Variants in ABCF1 observed in about 807,000 individuals in gnomAD.
ABCF1 encodes ATP binding cassette subfamily F member 1, also known as ATP-binding cassette sub-family F member 1.
Under a neutral mutation model 126.3 loss-of-function variants are expected in ABCF1, and 73 were observed. The ratio of observed to expected loss-of-function variants is 0.58; its 90% CI spans 0.48 to 0.70. The LOEUF is 0.70. ABCF1 is among the 30% of genes least tolerant of loss of function. The pLI, the probability that ABCF1 is intolerant of heterozygous loss-of-function variation, is 0.00. For missense variants in ABCF1, 786 were observed against 1,057.5 expected (o/e 0.74, Z 3.56); for synonymous variants, 345 against 396.4 (o/e 0.87, Z 1.54).
chr6:30,587,846 C>CA (rs756565396), intron 20 of ABCF1, among the ~76,000 whole-genome samples: 3,945 of 74,302 alleles, frequency 0.053, 157 homozygotes, highest in African/African-American at 0.14. Flanking sequence ...GAGGCTCTGT[C>CA]AAAAAAAAAA....
Position 30,571,516 on chromosome 6 carries a change from C to G in ABCF1, c.29C>G (p.Pro10Arg), listed in dbSNP as rs1018741162. 4 of 1,611,354 alleles carry G rather than the reference C, an allele frequency of 2.5e-6. No individual in the cohort carries two copies. The highest frequency in any genetic ancestry group is 2.5e-6 in the Non-Finnish European group (3 of 1,179,630). The change falls in exon 1 of 25, where the codon CCG becomes CGG. Residue 10 changes from proline (P) to arginine (R), a missense_variant. Pro to Arg is a moderately radical substitution (Grantham distance 103). Transcript: ENST00000326195. ...CCGAAGGCGCCCAAGCAGCAGCCGC[C>G]GGAGCCCGAGTGGATCGGGGACGGA... MPKAPKQQP[P>R]EPEWIGDGES...
Position 30,585,621 on chromosome 6 carries a change from T to C in ABCF1, c.1539T>C (p.Asp513=). 6.2e-7 allele frequency: 1 copy of C among 1,613,034 alleles called. No homozygotes were observed. The highest frequency in any genetic ancestry group is 1.1e-5 in the South Asian group (1 of 91,078). ...CCCATGACCAGGGCTTCTTGGATGA[T>C]GTCTGCACTGATATCATCCACCTCG... The part of the protein sequence containing the change: ...IVSHDQGFLD[D]VCTDIIHLDA... Residue 513 remains aspartate (D), a synonymous_variant, in exon 16 of 25, where the codon GAT becomes GAC. Transcript: ENST00000326195.
rs748881746 is a variant in ABCF1 at position 30,585,575 on chromosome 6, G to A, written c.1493G>A (p.Arg498Gln). 8 of 1,612,792 alleles carry A rather than the reference G, an allele frequency of 5.0e-6. No individual in the cohort carries two copies. The highest frequency in any genetic ancestry group is 2.5e-6 in the Non-Finnish European group (3 of 1,180,018). Residue 498 changes from arginine to glutamine, a missense_variant, in exon 16 of 25, where the codon CGG becomes CAG. Physicochemically the swap from Arg to Gln is conservative, Grantham distance 43 (BLOSUM62 1). Transcript: ENST00000326195. The part of the protein sequence containing the change: ...IWLNNYLQGW[R>Q]KTLLIVSHDQ... ...AAACCCAGCTACCTCCAGGGCTGGC[G>A]GAAGACCTTGCTGATCGTCTCCCAT...
At position 30,582,412 on chromosome 6, in the gene ABCF1, G is replaced by T; in HGVS notation, c.697G>T (p.Glu233Ter). Reference protein sequence around the residue: ...KAEQGSEEEGEGEEEEEEGGE... With the variant: ...KAEQGSEEEG ...CTCACAGGGTTCAGAGGAAGAAGGA[G>T]AAGGGGAAGAAGAGGAGGAGGAAGG... Residue 233 changes from glutamate (E) to a stop codon, truncating the protein, a stop_gained, in exon 9 of 25, where the codon GAA (glutamate) becomes TAA (stop). Transcript: ENST00000326195. LOFTEE classifies it high-confidence loss of function. 1 of 1,607,054 alleles carries T rather than the reference G, an allele frequency of 6.2e-7. No individual in the cohort carries two copies. Among genetic ancestry groups the T allele is most frequent in the Non-Finnish European group, 8.5e-7 (1 of 1,174,966 alleles).
Position 30,584,705 on chromosome 6 carries a change from C to T in ABCF1, c.1391+139C>T. 1.6e-6 allele frequency: 2 copies of T among 1,222,010 alleles called. No individual in the cohort carries two copies. Among genetic ancestry groups the T allele is most frequent in the South Asian group, 3.1e-5 (2 of 64,812 alleles). 75.7% of individuals were successfully genotyped at this position (1,222,010 alleles called of 1,614,324 possible). On this transcript the variant is annotated intron_variant, in intron 14 of 24. Coordinates refer to ENST00000326195, the MANE Select transcript of ABCF1 (RefSeq NM_001025091.2). The surrounding 1 kb of genome is among the most constrained non-coding windows in gnomAD (Gnocchi z 4.6). ...CTCCTTACTATCTGTGTTGTGAGAA[C>T]TTAGGGTCTTTCTCTATTTATCTCC...
chr6:30,574,199 C>T lies in ABCF1; in HGVS notation c.73+2639C>T, dbSNP rs536946471. On this transcript the variant is annotated intron_variant, in intron 1 of 24. Coordinates refer to ENST00000326195, the MANE Select transcript of ABCF1 (RefSeq NM_001025091.2). This position sits in a 1 kb window ranked among gnomAD's most constrained non-coding sequence, Gnocchi z 4.3. The stretch of plus-strand genomic sequence containing the variant: ...CACTCCAGGCTGGAGTGCAGTGGCG[C>T]GATCTCAGCTCACTGCAGCCTCAAT... Among the ~76,000 whole-genome samples the T allele has an allele frequency of 6.2e-4, 94 of 151,642 alleles. No homozygotes were observed. Among genetic ancestry groups the T allele is most frequent in the Middle Eastern group, 3.4e-3 (1 of 290 alleles).
rs2127413329 is a variant in ABCF1 at position 30,584,077 on chromosome 6, G to C, written c.1103-115G>C. Reference sequence around the variant, plus strand: ...GAGGAACTTGAGAGTGTTTTATTTGGAACAAGTACAAAGAGCTGGGCAGGG... The same window carrying C: ...GAGGAACTTGAGAGTGTTTTATTTGCAACAAGTACAAAGAGCTGGGCAGGG... On this transcript the variant is annotated intron_variant, in intron 12 of 24. Coordinates refer to ENST00000326195, the MANE Select transcript of ABCF1 (RefSeq NM_001025091.2). This position sits in a 1 kb window ranked among gnomAD's most constrained non-coding sequence, Gnocchi z 4.6. 6.8e-7 allele frequency: 1 copy of C among 1,470,726 alleles called. No individual in the cohort carries two copies. The highest frequency in any genetic ancestry group is 1.4e-5 in the African/African-American group (1 of 71,132). The allele number at this position is 1,470,726 out of a possible 1,614,324, so 91.1% of individuals were successfully genotyped here.
chr6:30,578,118 G>A lies in ABCF1; in HGVS notation c.259G>A (p.Asp87Asn). 1 of 1,614,128 alleles carries A rather than the reference G, an allele frequency of 6.2e-7. No individual in the cohort carries two copies. The highest frequency in any genetic ancestry group is 8.5e-7 in the Non-Finnish European group (1 of 1,180,014). The change falls in exon 4 of 25, where the codon GAT (aspartate) becomes AAT (asparagine). Residue 87 changes from aspartate to asparagine, a missense_variant. This residue lies in a region of ABCF1 where 322 missense variants were observed against 322.9 expected (regional missense o/e 1.00). Coordinates refer to ENST00000326195, the MANE Select transcript of ABCF1 (RefSeq NM_001025091.2). ...RDTRKGRRKKDVDDDGEEKEL... is the reference protein window; with the variant it reads ...RDTRKGRRKKNVDDDGEEKEL... ...TACCCGAAAAGGCAGGCGGAAGAAGGATGTGGATGATGATGGAGAAGAGAA... is the reference window on the plus strand; with the variant it reads ...TACCCGAAAAGGCAGGCGGAAGAAGAATGTGGATGATGATGGAGAAGAGAA...
In ABCF1 at chr6:30,586,891, G is replaced by C. The variant is rs1802167869; in HGVS notation, c.2031+180G>C. Reference sequence around the variant, plus strand: ...AAAGAGCTTAGATCAGTTCAGGGGGGAGAGCTAAGAGAATTAAGATAGAAC... The same window carrying C: ...AAAGAGCTTAGATCAGTTCAGGGGGCAGAGCTAAGAGAATTAAGATAGAAC... On this transcript the variant is annotated intron_variant, in intron 20 of 24. Coordinates refer to ENST00000326195, the MANE Select transcript of ABCF1 (RefSeq NM_001025091.2). This position sits in a 1 kb window ranked among gnomAD's most constrained non-coding sequence, Gnocchi z 4.9. Among the ~76,000 whole-genome samples, 1 of 152,178 alleles carries C rather than the reference G, an allele frequency of 6.6e-6. No individual in the cohort carries two copies. Among genetic ancestry groups the C allele is most frequent in the African/African-American group, 2.4e-5 (1 of 41,444 alleles).
intron 6 of ABCF1, 108 bp downstream of exon 6, chr6:30,578,685 T>C (rs1801646135): frequency 7.0e-6 from 7 of 1,003,306 alleles, no homozygotes; most frequent in Admixed American, 4.2e-5. Context: ...GTCTTACTTA[T>C]ACTGTTAAAA....
Position 30,580,411 on chromosome 6 carries a change from A to G in ABCF1, c.570A>G (p.Gln190=), listed in dbSNP as rs954240260. ...EEKSKGKAKP[Q]NKFAALDNEE... ...ACCTGTCTTTTCCCTATTAGCCTCA[A>G]AATAAATTCGCTGCTCTGGACAATG... Residue 190 remains glutamine (Q), a synonymous_variant, in exon 8 of 25, where the codon CAA becomes CAG. Transcript: ENST00000326195. 8 of 1,536,898 alleles carry G rather than the reference A, an allele frequency of 5.2e-6. No homozygotes were observed. Among genetic ancestry groups the G allele is most frequent in the Non-Finnish European group, 6.1e-6 (7 of 1,153,074 alleles).
chr6:30,586,532 C>G lies in ABCF1; in HGVS notation c.1944C>G (p.Ile648Met). 1 of 1,613,300 alleles carries G rather than the reference C, an allele frequency of 6.2e-7. No individual in the cohort carries two copies. Among genetic ancestry groups the G allele is most frequent in the African/African-American group, 1.3e-5 (1 of 75,034 alleles). Residue 648 changes from isoleucine (I) to methionine (M), a missense_variant, in exon 19 of 25, where the codon ATC (isoleucine) becomes ATG (methionine). Transcript: ENST00000326195. This position sits in a 1 kb window ranked among gnomAD's most constrained non-coding sequence, Gnocchi z 4.9. ...KPLFKNLDFG[I>M]DMDSRICIVG... ...TCTTTAAGAACTTGGATTTTGGCAT[C>G]GACATGGATTCAAGGAGTGAGTTGG... is the stretch of plus-strand genomic sequence containing the variant.
chr6:30,589,811 T>C lies in ABCF1; in HGVS notation c.2070T>C (p.Ile690=). Residue 690 remains isoleucine (I), a synonymous_variant, in exon 22 of 25, where the codon ATT becomes ATC. Transcript: ENST00000326195. ...GEMRKNHRLK[I]GFFNQQYAEQ... ...CTCCCTCTCTTCTCGGGCAGAAAAT[T>C]GGCTTCTTCAACCAGCAGTATGCAG... The C allele has an allele frequency of 6.2e-7, 1 of 1,614,110 alleles. No individual in the cohort carries two copies. The highest frequency in any genetic ancestry group is 1.1e-5 in the South Asian group (1 of 91,084).
At chr6:30,582,987 C>T (rs148754870) in intron 9 of ABCF1, 79 bp from the exon 10 acceptor site, 1 of 1,543,044 alleles carries the variant, frequency 6.5e-7, no homozygotes, top group African/African-American at 1.4e-5. Context: ...GCCAGCATGC[C>T]CAGCCAGCAT....
rs71552010 is a variant in ABCF1, at chr6:30,581,398, C to CTTTT, written c.678+899_678+902dup. Among the ~76,000 whole-genome samples, 219 of 84,842 alleles carry CTTTT rather than the reference C, an allele frequency of 2.6e-3. 4 individuals are homozygous for CTTTT. The highest frequency in any genetic ancestry group is 0.011 in the Middle Eastern group (1 of 88). 55.7% of individuals were successfully genotyped at this position (84,842 alleles called of 152,430 possible). ...TGACTGTGCACTAGAGCTTCCTGAT[C>CTTTT]TTTTTTTTTTTTTTTTTTTTTTTGA... On this transcript the variant is annotated intron_variant, in intron 8 of 24. Transcript: ENST00000326195.
In ABCF1 at chr6:30,583,567, A is replaced by C. The variant is rs1801940955; in HGVS notation, c.916-41A>C. 6.2e-7 allele frequency: 1 copy of C among 1,602,566 alleles called. No homozygotes were observed. Among genetic ancestry groups the C allele is most frequent in the African/African-American group, 1.3e-5 (1 of 74,648 alleles). On this transcript the variant is annotated intron_variant, in intron 10 of 24. Transcript: ENST00000326195. This position sits in a 1 kb window ranked among gnomAD's most constrained non-coding sequence, Gnocchi z 4.1. ...GTCCCAAAGGGAGAATTTTCATGTG[A>C]TCATCCCTTCCCTCTGCCACCTCTT...
In ABCF1 at chr6:30,586,021, G is replaced by T. The variant is rs773619501; in HGVS notation, c.1713+30G>T. The T allele has an allele frequency of 2.5e-5, 40 of 1,597,302 alleles. No homozygotes were observed. The highest frequency in any genetic ancestry group is 2.6e-6 in the Non-Finnish European group (3 of 1,171,230). ...GCACCTGAGGGACTTCTGGGCTGGG[G>T]GCCACTGTTCTCTCCTGGCAGTGGA... On this transcript the variant is annotated intron_variant, in intron 17 of 24. Coordinates refer to ENST00000326195, the MANE Select transcript of ABCF1 (RefSeq NM_001025091.2). This position sits in a 1 kb window ranked among gnomAD's most constrained non-coding sequence, Gnocchi z 4.9.
At chr6:30,587,133 A>G (rs961772824) in intron 20 of ABCF1, among the ~76,000 whole-genome samples, 2 of 151,976 alleles carry the variant, frequency 1.3e-5, no homozygotes, top group Non-Finnish European at 2.9e-5. Flanking sequence ...GCGCACCTAT[A>G]TCCTAGCTAC....
chr6:30,575,455 A>G (rs1801451341), intron 1 of ABCF1, among the ~76,000 whole-genome samples: 1 of 151,932 alleles, frequency 6.6e-6, no homozygotes, highest in Non-Finnish European at 1.5e-5. Context: ...GGAAGAGAAG[A>G]TAATAAATAG....
Sources: gnomAD v4.1 joint callset for allele counts (sites outside exome capture counted in the v4.1 genomes callset) on GRCh38, gnomAD v4.1.1 for gene constraint, gnomAD v4.1.1 regional missense constraint, Gnocchi (gnomAD v3.1) non-coding constraint, MANE v1.5 for transcripts, NCBI Gene and HGNC (gene_info 2026-07-23, HGNC 2026-07-21) for gene names.